The following COL5A2 variants were observed in gnomAD, a reference collection of about 807,000 sequenced individuals.
The protein encoded by COL5A2 is collagen alpha-2(V) chain.
In COL5A2, 23 loss-of-function variants were observed where a neutral mutation model predicts 208.2. The ratio of observed to expected loss-of-function variants is 0.11; its 90% CI spans 0.08 to 0.16. The LOEUF (loss-of-function observed/expected upper bound fraction) is 0.16, where lower values mean the gene tolerates loss of function less well. Among genes scored for constraint, COL5A2 ranks in the 10% least tolerant of loss-of-function variants. COL5A2 has a pLI of 1.00. For synonymous variants in COL5A2, 625 were observed against 628.5 expected (o/e 0.99, Z 0.08); for missense variants, 1,590 against 1,956.4 (o/e 0.81, Z 3.53).
the COL5A2 span, among the ~76,000 whole-genome samples, chr2:189,374,583 T>C: frequency 6.6e-6 from 1 of 152,200 alleles, no homozygotes; most frequent in African/African-American, 2.4e-5. Flanking sequence ...CTCAGTATTA[T>C]ATATGGGGCA....
At chr2:189,132,778 G>C (rs1353879412) in intron 1 of COL5A2, among the ~76,000 whole-genome samples, 1 of 151,852 alleles carries the variant, frequency 6.6e-6, no homozygotes, top group East Asian at 2.0e-4. Context: ...AAAATTATCT[G>C]GGTGTGGTAG....
the COL5A2 span, among the ~76,000 whole-genome samples, chr2:189,325,323 A>AT: frequency 0.16 from 23,171 of 147,534 alleles, 2,112 homozygotes; most frequent in South Asian, 0.2. Context: ...AATAAAAAAA[A>AT]ATATATATAT....
rs5837119 is a variant in COL5A2, at chr2:189,049,046, A to AG, written c.3147+300dup. Among the ~76,000 whole-genome samples, 131,248 of 151,818 alleles carry AG rather than the reference A, an allele frequency of 0.86. 57,562 individuals carry two copies. Among genetic ancestry groups the AG allele is most frequent in the Non-Finnish European group, 0.95 (64,867 of 68,004 alleles). ...GTCATTACAAAATGAAATAATAACA[A>AG]GGGAAAGATGAATGGATGTGTCCTT... On this transcript the variant is annotated intron_variant, in intron 44 of 53. Coordinates refer to ENST00000374866, the MANE Select transcript of COL5A2 (RefSeq NM_000393.5).
At chr2:189,265,535 G>A in the COL5A2 span, among the ~76,000 whole-genome samples, 1 of 152,232 alleles carries the variant, frequency 6.6e-6, no homozygotes, top group African/African-American at 2.4e-5. Context: ...TCCTAATCCA[G>A]TAAGACCTCA....
rs1045122474 is a variant in COL5A2 at position 189,209,052 on chromosome 2, TG to T, written c.-42+16095del. ...TCTTCCAAGTCTGAGCCCTGCTTCA[TG>T]GGGGTCTTTATTTTAATCTTCTACT... On this transcript the variant is annotated intron_variant, in intron 1 of 10. Coordinates refer to the COL5A2 transcript ENST00000649966. 9.5e-4 allele frequency among the ~76,000 whole-genome samples: 145 copies of T among 152,272 alleles called. 1 individual carries two copies. Among genetic ancestry groups the T allele is most frequent in the African/African-American group, 3.2e-3 (134 of 41,564 alleles).
At chr2:189,041,733 A>T (rs1443200535) in intron 49 of COL5A2, 40 bp from the exon 50 acceptor site, 1 of 1,425,014 alleles carries the variant, frequency 7.0e-7, no homozygotes, top group African/African-American at 1.4e-5. Context: ...TCTATGAAGG[A>T]AAAATTTTAC....
chr2:189,100,004 C>T, intron 4 of COL5A2, 103 bp downstream of exon 4: 1 of 999,172 alleles, frequency 1.0e-6, no homozygotes, highest in Non-Finnish European at 1.5e-6. Context: ...TTTAAAATAA[C>T]TAATTTATTT....
Position 189,098,746 on chromosome 2 carries a change from C to A in COL5A2, c.383G>T (p.Arg128Leu), listed in dbSNP as rs757439328. The change falls in exon 5 of 54, where the codon CGT becomes CTT. Residue 128 changes from arginine to leucine, a missense_variant. By Grantham distance (102) the Arg-to-Leu change is moderately radical. Transcript: ENST00000374866. ...PGLVPVVTGI[R>L]GRPGPAGPPG... Reference sequence around the variant, plus strand: ...ACTTACTGCCGGTCCTGGACGACCACGTATGCCTGTTACCTAAACAATAAA... The same window carrying A: ...ACTTACTGCCGGTCCTGGACGACCAAGTATGCCTGTTACCTAAACAATAAA... The A allele has an allele frequency of 6.2e-7, 1 of 1,612,956 alleles. No homozygotes were observed. The highest frequency in any genetic ancestry group is 1.7e-5 in the Admixed American group (1 of 60,016).
chr2:189,439,815 T>C, the COL5A2 span, among the ~76,000 whole-genome samples: 33 of 152,248 alleles, frequency 2.2e-4, no homozygotes, highest in African/African-American at 7.7e-4. Context: ...TACAGTAACA[T>C]ACAACTAAAG....
the COL5A2 span, among the ~76,000 whole-genome samples, chr2:189,238,447 T>C: frequency 6.6e-5 from 10 of 152,118 alleles, no homozygotes; most frequent in Non-Finnish European, 1.5e-4. Context: ...TAAACAGAAC[T>C]AGAATATTTG....
the COL5A2 span, among the ~76,000 whole-genome samples, chr2:189,402,383 A>G: frequency 6.6e-6 from 1 of 151,968 alleles, no homozygotes; most frequent in African/African-American, 2.4e-5. Flanking sequence ...ACACCCAGTT[A>G]ATTTTTGAAT....
intron 1 of COL5A2, among the ~76,000 whole-genome samples, chr2:189,141,232 T>C (rs995058282): frequency 2.0e-5 from 3 of 152,124 alleles, no homozygotes; most frequent in Admixed American, 1.3e-4. Context: ...TTAAAAACAT[T>C]GGTGAATTAA....
chr2:189,295,097 C>T, the COL5A2 span, among the ~76,000 whole-genome samples: 1 of 152,134 alleles, frequency 6.6e-6, no homozygotes, highest in African/African-American at 2.4e-5. Flanking sequence ...GTGTGAGCCA[C>T]CACACCCAGC....
At position 189,051,222 on chromosome 2, in the gene COL5A2, G is replaced by A. The variant is rs1685779701; in HGVS notation, c.2931+98C>T. 13 of 1,493,250 alleles carry A rather than the reference G, an allele frequency of 8.7e-6. No homozygotes were observed. In the South Asian group the frequency reaches 1.4e-4, roughly 16 times the overall value. 92.5% of individuals were successfully genotyped at this position (1,493,250 alleles called of 1,614,324 possible). A position where few individuals can be genotyped will look rare whatever the true frequency, so the allele number is the denominator to read the frequency against. On this transcript the variant is annotated intron_variant, in intron 42 of 53. Coordinates refer to ENST00000374866, the MANE Select transcript of COL5A2 (RefSeq NM_000393.5). ...TTTAAAAATTTTAGGAATGTGCCCA[G>A]CATAATATTTAAGCATTTTTGTGAC...
intron 23 of COL5A2, among the ~76,000 whole-genome samples, chr2:189,066,030 A>T (rs1050818201): frequency 6.6e-6 from 1 of 152,216 alleles, no homozygotes; most frequent in Non-Finnish European, 1.5e-5. Context: ...GGCATTTTTT[A>T]AAGTGTGTAC....
At chr2:189,372,394 TAATTAA>T in the COL5A2 span, among the ~76,000 whole-genome samples, 2 of 152,198 alleles carry the variant, frequency 1.3e-5, no homozygotes, top group African/African-American at 2.4e-5. Context: ...ATTAGTTCCA[TAATTAA>T]GTAAAATTTG....
At chr2:189,037,599 T>A (rs1456174615) in intron 51 of COL5A2, among the ~76,000 whole-genome samples, 1 of 152,210 alleles carries the variant, frequency 6.6e-6, no homozygotes, top group Non-Finnish European at 1.5e-5. Flanking sequence ...TGACTTAGGA[T>A]CCCTCTTCTC....
At chr2:189,375,070 G>A in the COL5A2 span, among the ~76,000 whole-genome samples, 1 of 148,876 alleles carries the variant, frequency 6.7e-6, no homozygotes, top group Non-Finnish European at 1.5e-5. Context: ...AGGCTGAAGT[G>A]CCATGGCACA....
chr2:189,387,008 T>G, the COL5A2 span, among the ~76,000 whole-genome samples: 2 of 152,098 alleles, frequency 1.3e-5, no homozygotes, highest in Non-Finnish European at 2.9e-5. Context: ...AAAGGATACA[T>G]GCACCCATAT....
Sources: allele counts gnomAD v4.1 joint callset (sites outside exome capture counted in the v4.1 genomes callset), GRCh38; gene constraint gnomAD v4.1.1; transcripts MANE v1.5; gene names NCBI Gene and HGNC (gene_info 2026-07-23, HGNC 2026-07-21).